MGMT: variants seen among roughly 807,000 people sequenced by gnomAD.
The protein encoded by MGMT is methylated-DNA--protein-cysteine methyltransferase.
In MGMT, 14 loss-of-function variants were observed where a neutral mutation model predicts 15.9. The ratio of observed to expected loss-of-function variants is 0.88; its 90% confidence interval spans 0.58 to 1.37. The LOEUF is 1.37. Among genes scored for constraint, MGMT ranks in the 40% most tolerant of loss-of-function variants. The pLI, the probability that MGMT is intolerant of heterozygous loss-of-function variation, is 0.00. For missense variants in MGMT, 282 were observed against 268.1 expected, an observed-to-expected ratio of 1.05 and a Z score of -0.36; for synonymous variants, 130 against 118.2, an observed-to-expected ratio of 1.10 and a Z score of -0.65.
At chr10:129,700,085 G>C (rs1200674462) in intron 2 of MGMT, 2 of 152,104 alleles carry the variant, frequency 1.3e-5, no homozygotes, top group African/African-American at 2.4e-5. Flanking sequence ...GGTTGCGTTG[G>C]AAATCAGTAG....
At chr10:129,612,198 G>T (rs1846968733) in intron 2 of MGMT, among the ~76,000 whole-genome samples, 1 of 152,220 alleles carries the variant, frequency 6.6e-6, no homozygotes, top group South Asian at 2.1e-4. Context: ...AGAAAGGAAT[G>T]TCTGGGTTAA....
chr10:129,675,946 A>C (rs1847780202), intron 2 of MGMT, among the ~76,000 whole-genome samples: 1 of 152,128 alleles, frequency 6.6e-6, no homozygotes, highest in South Asian at 2.1e-4. Context: ...GGCGCTGCTC[A>C]GTTGTGGCCT....
chr10:129,512,777 A>G (rs1845698283), intron 1 of MGMT, among the ~76,000 whole-genome samples: 1 of 152,164 alleles, frequency 6.6e-6, no homozygotes, highest in African/African-American at 2.4e-5. Flanking sequence ...ATGTGGAGAA[A>G]TTGGAACCCT....
At chr10:129,754,853 G>T (rs1848787590) in intron 3 of MGMT, among the ~76,000 whole-genome samples, 1 of 152,216 alleles carries the variant, frequency 6.6e-6, no homozygotes, top group Admixed American at 6.5e-5. Context: ...TGTCACAGTG[G>T]CAGTTGTTTC....
intron 3 of MGMT, among the ~76,000 whole-genome samples, chr10:129,716,213 G>A (rs993865086): frequency 6.6e-6 from 1 of 152,314 alleles, no homozygotes; most frequent in East Asian, 1.9e-4. Context: ...GGCCTTCTCT[G>A]CCCTTCCAAA....
intron 2 of MGMT, among the ~76,000 whole-genome samples, chr10:129,538,697 G>A (rs904557782): frequency 5.3e-5 from 8 of 151,976 alleles, no homozygotes; most frequent in African/African-American, 1.9e-4. Context: ...GTGCAGTGGT[G>A]CAATCTCGGC....
chr10:129,551,362 AATAG>A (rs1034278344), intron 2 of MGMT, among the ~76,000 whole-genome samples: 2 of 152,058 alleles, frequency 1.3e-5, no homozygotes, highest in African/African-American at 2.4e-5. Context: ...GAGGAAGGTT[AATAG>A]ATAGGTAGGA....
intron 3 of MGMT, among the ~76,000 whole-genome samples, chr10:129,728,403 A>G (rs1471783677): frequency 6.6e-6 from 1 of 152,154 alleles, no homozygotes; most frequent in East Asian, 1.9e-4. Flanking sequence ...TGGTGTGACC[A>G]GAGGAAGGGG....
At chr10:129,623,278 C>G (rs142585250) in intron 2 of MGMT, among the ~76,000 whole-genome samples, 2 of 152,262 alleles carry the variant, frequency 1.3e-5, no homozygotes, top group Non-Finnish European at 2.9e-5. Context: ...TCTGTTCAGA[C>G]CTGGTGCTCC....
intron 2 of MGMT, among the ~76,000 whole-genome samples, chr10:129,642,935 A>AG (rs1160024110): frequency 3.9e-5 from 6 of 152,160 alleles, no homozygotes; most frequent in African/African-American, 1.4e-4. Flanking sequence ...CTGTCTCTTA[A>AG]GAAAAAAAAA....
Position 129,683,075 on chromosome 10 carries a change from C to G in MGMT, c.126-24820C>G, listed in dbSNP as rs543862586. 1.8e-4 allele frequency among the ~76,000 whole-genome samples: 27 copies of G among 152,362 alleles called. No homozygotes were observed. In the South Asian group the frequency reaches 5.6e-3, roughly 32 times the overall value. On this transcript the variant is annotated intron_variant, in intron 2 of 4. Coordinates refer to ENST00000651593, the MANE Select transcript of MGMT (RefSeq NM_002412.5). The stretch of plus-strand genomic sequence containing the variant: ...TGTTGGCCAGGCTGGCCTCAAACTC[C>G]TGACCTCAAGTGATCCACCAGCCTC...
chr10:129,716,661 G>A (rs1416609966), intron 3 of MGMT, among the ~76,000 whole-genome samples: 2 of 152,166 alleles, frequency 1.3e-5, no homozygotes, highest in Non-Finnish European at 2.9e-5. Flanking sequence ...AGAACCAACA[G>A]AAATGGCACA....
intron 2 of MGMT, among the ~76,000 whole-genome samples, chr10:129,680,854 C>G (rs868328105): frequency 1.1e-4 from 16 of 152,192 alleles, no homozygotes; most frequent in Non-Finnish European, 2.1e-4. Context: ...CCGGCCGTGT[C>G]TGATGCCTCC....
chr10:129,488,040 C>CAT (rs1554902797), intron 1 of MGMT, among the ~76,000 whole-genome samples: 8 of 148,486 alleles, frequency 5.4e-5, no homozygotes, highest in Non-Finnish European at 1.0e-4. Context: ...CACACACACA[C>CAT]ATGAATATAC....
At chr10:129,609,582 C>A (rs1202625339) in intron 2 of MGMT, among the ~76,000 whole-genome samples, 4 of 152,240 alleles carry the variant, frequency 2.6e-5, no homozygotes, top group Non-Finnish European at 2.9e-5. Flanking sequence ...TAACCCACTT[C>A]TTTGCAAACT....
At position 129,758,917 on chromosome 10, in the gene MGMT, C is replaced by T. The variant is rs139600195; in HGVS notation, c.275-285C>T. Among the ~76,000 whole-genome samples the T allele has an allele frequency of 1.2e-3, 190 of 152,334 alleles. 1 individual carries two copies. Among genetic ancestry groups the T allele is most frequent in the African/African-American group, 4.4e-3 (183 of 41,578 alleles). ...ACGCCCAGTCGCTAGAAGAGTGGCA[C>T]ACGCAACCCCACGCGGAACACGGGA... On this transcript the variant is annotated intron_variant, in intron 3 of 4. Coordinates refer to ENST00000651593, the MANE Select transcript of MGMT (RefSeq NM_002412.5).
chr10:129,529,759 G>A (rs1191153334), intron 1 of MGMT, among the ~76,000 whole-genome samples: 2 of 152,156 alleles, frequency 1.3e-5, no homozygotes, highest in Admixed American at 1.3e-4. Context: ...ATCACAATAA[G>A]TGGAGAATGT....
chr10:129,655,796 T>C (rs367714956), intron 2 of MGMT, among the ~76,000 whole-genome samples: 2 of 152,356 alleles, frequency 1.3e-5, no homozygotes, highest in South Asian at 2.1e-4. Context: ...TTCATGCTCA[T>C]GCTCTCTAAA....
intron 2 of MGMT, among the ~76,000 whole-genome samples, chr10:129,702,541 C>T (rs1176729661): frequency 6.6e-6 from 1 of 151,930 alleles, no homozygotes; most frequent in East Asian, 1.9e-4. Flanking sequence ...CTGCTGGGTT[C>T]AAGGGATGGG....
Sources: allele counts gnomAD v4.1 joint callset (sites outside exome capture counted in the v4.1 genomes callset), GRCh38; gene constraint gnomAD v4.1.1; transcripts MANE v1.5; gene names NCBI Gene and HGNC (gene_info 2026-07-23, HGNC 2026-07-21).